Variants in MYO10 observed in about 807,000 individuals in gnomAD.
The protein encoded by MYO10 is myosin X.
Under a neutral mutation model 257.3 loss-of-function variants are expected in MYO10, and 133 were observed. That is an observed-to-expected ratio of 0.52 (90% CI 0.45 to 0.60). The LOEUF (loss-of-function observed/expected upper bound fraction) is 0.60, where lower values mean the gene tolerates loss of function less well. MYO10 is among the 20% of genes least tolerant of loss of function. The pLI is 0.00. For missense variants in MYO10, 2,399 were observed against 2,635.7 expected (o/e 0.91, Z 1.97); for synonymous variants, 1,104 against 1,028.6 (o/e 1.07, Z -1.40).
At chr5:16,859,416 T>C (rs1744050760) in intron 2 of MYO10, among the ~76,000 whole-genome samples, 1 of 152,060 alleles carries the variant, frequency 6.6e-6, no homozygotes, top group South Asian at 2.1e-4. Flanking sequence ...CTAAAGGTCT[T>C]ACCTCCCAAT....
At chr5:16,844,335 C>T (rs1408081005) in intron 2 of MYO10, among the ~76,000 whole-genome samples, 2 of 152,088 alleles carry the variant, frequency 1.3e-5, no homozygotes, top group African/African-American at 2.4e-5. Context: ...GTCCACATCA[C>T]GCATTAACAC....
At chr5:16,720,008 GTGTGTGTGTGTGTGTA>G (rs1290957432) in intron 19 of MYO10, among the ~76,000 whole-genome samples, 8 of 150,082 alleles carry the variant, frequency 5.3e-5, no homozygotes, top group East Asian at 1.9e-4. Context: ...GTGTGTGTGT[GTGTGTGTGTGTGTGTA>G]TATGTATGTA....
intron 1 of MYO10, among the ~76,000 whole-genome samples, chr5:16,926,680 C>T (rs1295917595): frequency 5.5e-5 from 8 of 144,850 alleles, no homozygotes; most frequent in African/African-American, 1.6e-4. Context: ...CCAGCCTGGG[C>T]GAAAGAGGAA....
chr5:16,667,242 C>T (rs536815570), intron 40 of MYO10, among the ~76,000 whole-genome samples: 2 of 152,200 alleles, frequency 1.3e-5, no homozygotes, highest in Admixed American at 1.3e-4. Context: ...TAACTGAGGC[C>T]CCAGGGGCTG....
chr5:16,905,746 C>T (rs898383621), intron 1 of MYO10, among the ~76,000 whole-genome samples: 1 of 152,188 alleles, frequency 6.6e-6, no homozygotes, highest in Non-Finnish European at 1.5e-5. Flanking sequence ...AATAAATTCC[C>T]TGCCACCAGT....
At chr5:16,876,175 ACTAT>A (rs1221602340) in intron 2 of MYO10, among the ~76,000 whole-genome samples, 5 of 152,154 alleles carry the variant, frequency 3.3e-5, no homozygotes, top group African/African-American at 1.2e-4. Flanking sequence ...CTTGCATTTG[ACTAT>A]CTTTTATTTC....
At chr5:16,926,005 T>A (rs544660099) in intron 1 of MYO10, among the ~76,000 whole-genome samples, 1 of 152,296 alleles carries the variant, frequency 6.6e-6, no homozygotes, top group African/African-American at 2.4e-5. Flanking sequence ...ATTAACTGAT[T>A]GTACATTTCA....
At chr5:16,783,606 C>G in intron 4 of MYO10, 137 bp from the exon 5 acceptor site, 1 of 947,020 alleles carries the variant, frequency 1.1e-6, no homozygotes, top group Non-Finnish European at 1.6e-6. Context: ...TGCCTGTTTC[C>G]AAAGAGCTGA....
intron 21 of MYO10, among the ~76,000 whole-genome samples, chr5:16,706,500 A>G (rs1187365604): frequency 6.6e-6 from 1 of 152,194 alleles, no homozygotes; most frequent in Non-Finnish European, 1.5e-5. Flanking sequence ...TTGGTATTAC[A>G]TATCTTACTC....
Position 16,668,323 on chromosome 5 carries a change from T to C in MYO10, c.6029A>G (p.Tyr2010Cys), listed in dbSNP as rs1192646027. 5.6e-6 allele frequency: 9 copies of C among 1,613,892 alleles called. No homozygotes were observed. Among genetic ancestry groups the C allele is most frequent in the South Asian group, 2.2e-5 (2 of 91,082 alleles). ...LSFGAPLANT[Y>C]KIVVDERELL... Reference sequence around the variant, plus strand: ...CTCCCTCTCATCGACCACGATCTTATACGTATTCGCCAGGGGTGCCCCAAA... The same window carrying C: ...CTCCCTCTCATCGACCACGATCTTACACGTATTCGCCAGGGGTGCCCCAAA... Residue 2010 changes from tyrosine to cysteine, a missense_variant, in exon 40 of 41, where the codon TAT becomes TGT. Physicochemically the swap from Tyr to Cys is radical, Grantham distance 194. This residue lies in a region of MYO10 where 1,820 missense variants were observed against 1,939.4 expected (regional missense o/e 0.94). Transcript: ENST00000513610.
In MYO10 at chr5:16,701,240, AGCACCGTGCTGTCC is replaced by A; in HGVS notation, c.3141_3154del (p.Asp1048AlafsTer43). On this transcript the variant is annotated frameshift_variant, in exon 25 of 41. Coordinates refer to ENST00000513610, the MANE Select transcript of MYO10 (RefSeq NM_012334.3). LOFTEE classifies it high-confidence loss of function. This position sits in a 1 kb window ranked among gnomAD's most constrained non-coding sequence, Gnocchi z 8.1. ...GGAGTCCTGCACTGATGGGGCGAGC[AGCACCGTGCTGTCC>A]GCACTGGGGCTGGTGGGCACCACCG... The A allele has an allele frequency of 6.2e-7, 1 of 1,613,184 alleles. No individual in the cohort carries two copies. The highest frequency in any genetic ancestry group is 8.5e-7 in the Non-Finnish European group (1 of 1,179,640).
intron 12 of MYO10, 60 bp from the exon 13 acceptor site, chr5:16,763,815 G>A: frequency 9.7e-7 from 1 of 1,031,980 alleles, no homozygotes; most frequent in Non-Finnish European, 1.4e-6. Context: ...ATAGAAAGGT[G>A]AAGAAAAGAC....
At chr5:16,730,358 A>G (rs1380076842) in intron 19 of MYO10, among the ~76,000 whole-genome samples, 1 of 152,170 alleles carries the variant, frequency 6.6e-6, no homozygotes, top group African/African-American at 2.4e-5. Flanking sequence ...AGGGTATGTG[A>G]CATACCGGTA....
chr5:16,863,879 T>C (rs1290977755), intron 2 of MYO10, among the ~76,000 whole-genome samples: 2 of 152,150 alleles, frequency 1.3e-5, no homozygotes, highest in Non-Finnish European at 2.9e-5. Flanking sequence ...AGGAGGATCA[T>C]TGCAGCTCAG....
Position 16,787,561 on chromosome 5 carries a change from T to G in MYO10, c.468-4092A>C, listed in dbSNP as rs79006957. 1.4e-4 allele frequency among the ~76,000 whole-genome samples: 21 copies of G among 145,246 alleles called. 1 individual carries two copies. In the East Asian group the frequency reaches 4.3e-3, roughly 30 times the overall value. On this transcript the variant is annotated intron_variant, in intron 4 of 40. Coordinates refer to ENST00000513610, the MANE Select transcript of MYO10 (RefSeq NM_012334.3). ...ACAAACACAGGCTTTGGCAAAAATG[T>G]GTGCATTCAGATTAACCAAAAGGAG...
In MYO10 at chr5:16,672,840, A is replaced by G. The variant is rs1561168563; in HGVS notation, c.5173-15T>C. The G allele has an allele frequency of 1.9e-6, 3 of 1,610,950 alleles. No individual in the cohort carries two copies. The Admixed American group carries it at 5.0e-5, about 27-fold the overall frequency. On this transcript the variant is annotated splice_polypyrimidine_tract_variant and intron_variant, in intron 36 of 40. Coordinates refer to ENST00000513610, the MANE Select transcript of MYO10 (RefSeq NM_012334.3). ...TTCTCCACCACCTGGAAGACACACC[A>G]GGGGGACTTCAGTTCCACAGGCTGC... is the stretch of plus-strand genomic sequence containing the variant.
chr5:16,691,225 G>A (rs1434878100), intron 27 of MYO10, among the ~76,000 whole-genome samples: 3 of 149,686 alleles, frequency 2.0e-5, no homozygotes, highest in Admixed American at 6.6e-5. Context: ...AGCTGAGATC[G>A]CGCCACTGCA....
At chr5:16,780,870 TC>T in intron 6 of MYO10, 129 bp from the exon 7 acceptor site, 1 of 924,574 alleles carries the variant, frequency 1.1e-6, no homozygotes, top group Non-Finnish European at 1.6e-6. Flanking sequence ...CATAGAAGCT[TC>T]CAGTGCCAAC....
intron 19 of MYO10, among the ~76,000 whole-genome samples, chr5:16,733,593 T>C (rs1739672010): frequency 6.8e-6 from 1 of 146,504 alleles, no homozygotes; most frequent in Non-Finnish European, 1.5e-5. Flanking sequence ...ATTGGTGAGC[T>C]GCGCATCCTA....
Sources: gnomAD v4.1 joint callset for allele counts (sites outside exome capture counted in the v4.1 genomes callset) on GRCh38, gnomAD v4.1.1 for gene constraint, gnomAD v4.1.1 regional missense constraint, Gnocchi (gnomAD v3.1) non-coding constraint, MANE v1.5 for transcripts, NCBI Gene and HGNC (gene_info 2026-07-23, HGNC 2026-07-21) for gene names.